The following MSS51 variants were observed in gnomAD, a reference collection of about 807,000 sequenced individuals.
MSS51 encodes the protein putative protein MSS51 homolog, mitochondrial.
MSS51 carries 32 observed loss-of-function variants against 40.2 expected under a neutral mutation model. The ratio of observed to expected loss-of-function variants is 0.80; its 90% CI spans 0.60 to 1.07. The LOEUF is 1.07. Among genes scored for constraint, MSS51 ranks in the 50% least tolerant of loss-of-function variants. The pLI is 0.00. For synonymous variants in MSS51, 178 were observed against 214.2 expected (o/e 0.83, Z 1.48); for missense variants, 518 against 568.9 (o/e 0.91, Z 0.91).
chr10:73,433,027 C>T (rs923482120), intron 1 of MSS51, among the ~76,000 whole-genome samples: 14 of 152,130 alleles, frequency 9.2e-5, no homozygotes, highest in Admixed American at 2.6e-4. Context: ...TAGCCATCCC[C>T]AGTGACTTAG....
intron 3 of MSS51, 144 bp downstream of exon 3, chr10:73,427,469 G>T: frequency 1.3e-6 from 1 of 751,786 alleles, no homozygotes; most frequent in Non-Finnish European, 2.2e-6. Context: ...GTAGAGACAG[G>T]GTTTTGCTGT....
intron 4 of MSS51, 93 bp downstream of exon 4, chr10:73,426,511 TTCC>T: frequency 6.3e-7 from 1 of 1,593,418 alleles, no homozygotes; most frequent in Non-Finnish European, 8.6e-7. Flanking sequence ...TTTGCCCCAC[TTCC>T]TCATTTTTTC....
At chr10:73,424,960 AG>A in intron 6 of MSS51, 137 bp downstream of exon 6, 1 of 825,268 alleles carries the variant, frequency 1.2e-6, no homozygotes, top group East Asian at 2.4e-5. Context: ...GACTGTTCCA[AG>A]GGGATAAAAA....
At position 73,425,930 on chromosome 10, in the gene MSS51, G is replaced by A. The variant is rs2055983356; in HGVS notation, c.950C>T (p.Pro317Leu). The A allele has an allele frequency of 6.2e-7, 1 of 1,614,110 alleles. No individual in the cohort carries two copies. Residue 317 changes from proline to leucine, a missense_variant, in exon 5 of 7, where the codon CCC (proline) becomes CTC (leucine). Coordinates refer to ENST00000299432, the MANE Select transcript of MSS51 (RefSeq NM_001024593.2). ...AAGCTGAATTGTGCCAGGTTCCAGGGGTGAAGTTGAGGTGCTCTGTGAAAA... is the reference window on the plus strand; with the variant it reads ...AAGCTGAATTGTGCCAGGTTCCAGGAGTGAAGTTGAGGTGCTCTGTGAAAA... ...TGFSQSTSTS[P>L]LEPGTIQLSA...
Position 73,427,608 on chromosome 10 carries a change from G to A in MSS51, c.377+5C>T, listed in dbSNP as rs761662442. ...ATGTCTCCCTATTAGCCCCCAACAA[G>A]TCACCTCTTACAGTGCCGGAGAACC... On this transcript the variant is annotated splice_donor_5th_base_variant and intron_variant, in intron 3 of 6. Transcript: ENST00000299432. 1.2e-6 allele frequency: 2 copies of A among 1,603,094 alleles called. No homozygotes were observed. The highest frequency in any genetic ancestry group is 2.7e-5 in the African/African-American group (2 of 74,628).
intron 3 of MSS51, among the ~76,000 whole-genome samples, 195 bp from the exon 4 acceptor site, chr10:73,426,926 CCAGA>C (rs2055993906): frequency 6.6e-6 from 1 of 152,102 alleles, no homozygotes; most frequent in Non-Finnish European, 1.5e-5. Flanking sequence ...AATTATTCTG[CCAGA>C]CAGAGTGATA....
Position 73,427,651 on chromosome 10 carries a change from A to C in MSS51, c.339T>G (p.Ser113Arg), listed in dbSNP as rs1439415003. ...GGAGAACCTTGGAGTCTGAAAGCCCACTAGGGAGTGCTCTACAGTGAGCAC... is the reference window on the plus strand; with the variant it reads ...GGAGAACCTTGGAGTCTGAAAGCCCCCTAGGGAGTGCTCTACAGTGAGCAC... ...RFCAHCRALP[S>R]GLSDSKVLRH... Residue 113 changes from serine (S) to arginine (R), a missense_variant, in exon 3 of 7, where the codon AGT (serine) becomes AGG (arginine). By Grantham distance (110) the Ser-to-Arg change is moderately radical (BLOSUM62 -1). Coordinates refer to ENST00000299432, the MANE Select transcript of MSS51 (RefSeq NM_001024593.2). The C allele has an allele frequency of 6.2e-7, 1 of 1,614,040 alleles. No homozygotes were observed.
intron 1 of MSS51, among the ~76,000 whole-genome samples, chr10:73,429,183 G>A (rs1321252480): frequency 6.6e-6 from 1 of 151,980 alleles, no homozygotes; most frequent in East Asian, 1.9e-4. Flanking sequence ...TCCAGCCTGG[G>A]CAACAAGAGC....
At chr10:73,432,406 G>T (rs997237482) in intron 1 of MSS51, among the ~76,000 whole-genome samples, 1 of 152,000 alleles carries the variant, frequency 6.6e-6, no homozygotes, top group African/African-American at 2.4e-5. Context: ...AGGAAAGTGT[G>T]ATTTGAGACA....
chr10:73,423,719 A>G lies in MSS51; in HGVS notation c.*834T>C, dbSNP rs533873512. On this transcript the variant is annotated 3_prime_UTR_variant, in exon 7 of 7. Transcript: ENST00000299432. ...TACTCTAGGGTCAAAAGTCCCCAAG[A>G]GAAAACAGGAAAAGTAGACATTTCT... 1 of 152,364 alleles carries G rather than the reference A, an allele frequency of 6.6e-6. No homozygotes were observed. Among genetic ancestry groups the G allele is most frequent in the African/African-American group, 2.4e-5 (1 of 41,580 alleles). The allele number at this position is 152,364 out of a possible 1,614,324, so 9.4% of individuals were successfully genotyped here.
intron 3 of MSS51, 33 bp from the exon 4 acceptor site, chr10:73,426,764 T>C: frequency 6.2e-7 from 1 of 1,609,568 alleles, no homozygotes; most frequent in Non-Finnish European, 8.5e-7. Flanking sequence ...GTTCTTATAC[T>C]ATAAATATGA....
intron 1 of MSS51, among the ~76,000 whole-genome samples, chr10:73,430,299 C>T (rs72812300): frequency 0.071 from 10,774 of 151,960 alleles, 505 homozygotes; most frequent in Non-Finnish European, 0.11. Flanking sequence ...TCAAAGGATG[C>T]TAAACTAACA....
At position 73,427,606 on chromosome 10, in the gene MSS51, A is replaced by G; in HGVS notation, c.377+7T>C. On this transcript the variant is annotated splice_region_variant and intron_variant, in intron 3 of 6. Coordinates refer to ENST00000299432, the MANE Select transcript of MSS51 (RefSeq NM_001024593.2). ...GAATGTCTCCCTATTAGCCCCCAAC[A>G]AGTCACCTCTTACAGTGCCGGAGAA... 1 of 1,601,724 alleles carries G rather than the reference A, an allele frequency of 6.2e-7. No homozygotes were observed. Among genetic ancestry groups the G allele is most frequent in the Non-Finnish European group, 8.5e-7 (1 of 1,171,304 alleles).
intron 2 of MSS51, 100 bp downstream of exon 2, chr10:73,427,964 C>T: frequency 3.2e-6 from 4 of 1,243,784 alleles, no homozygotes; most frequent in Non-Finnish European, 4.5e-6. Flanking sequence ...TCTCTTATTG[C>T]AAATACTCCA....
rs2055973297 is a variant in MSS51 at position 73,425,185 on chromosome 10, T to C, written c.1076A>G (p.His359Arg). ...AGCCTCCATCAAGTCTGGGGAGGAA[T>C]GAAAACCTGTGGAACAAAAATGAAA... ...DLVAAFHPGFHSSPDLMEAWL... is the reference protein window; with the variant it reads ...DLVAAFHPGFRSSPDLMEAWL... The change falls in exon 6 of 7, where the codon CAT (histidine) becomes CGT (arginine). Residue 359 changes from histidine (H) to arginine (R), a missense_variant. His to Arg is a conservative substitution (Grantham distance 29). Coordinates refer to ENST00000299432, the MANE Select transcript of MSS51 (RefSeq NM_001024593.2). The C allele has an allele frequency of 3.2e-6, 5 of 1,586,010 alleles. No homozygotes were observed. The highest frequency in any genetic ancestry group is 1.2e-5 in the South Asian group (1 of 86,680).
chr10:73,428,435 T>A, intron 1 of MSS51, 134 bp from the exon 2 acceptor site: 1 of 657,362 alleles, frequency 1.5e-6, no homozygotes, highest in Middle Eastern at 2.6e-4. Flanking sequence ...ATTTATTCAG[T>A]ATTTACTGGT....
intron 1 of MSS51, among the ~76,000 whole-genome samples, chr10:73,431,456 T>G (rs2056028589): frequency 6.6e-6 from 1 of 152,190 alleles, no homozygotes; most frequent in Non-Finnish European, 1.5e-5. Flanking sequence ...GATCATGTTT[T>G]GTTACAAAAA....
At chr10:73,431,685 T>G (rs1304486075) in intron 1 of MSS51, among the ~76,000 whole-genome samples, 1 of 152,226 alleles carries the variant, frequency 6.6e-6, no homozygotes, top group Non-Finnish European at 1.5e-5. Context: ...CTCATCCTTA[T>G]GTTTCCATCC....
At chr10:73,432,259 G>A (rs2056034422) in intron 1 of MSS51, among the ~76,000 whole-genome samples, 1 of 151,984 alleles carries the variant, frequency 6.6e-6, no homozygotes, top group Admixed American at 6.6e-5. Flanking sequence ...GGCTGGTCTC[G>A]AACTCCTGAC....
Sources: gnomAD v4.1 joint callset for allele counts (sites outside exome capture counted in the v4.1 genomes callset) on GRCh38, gnomAD v4.1.1 for gene constraint, MANE v1.5 for transcripts, NCBI Gene and HGNC (gene_info 2026-07-23, HGNC 2026-07-21) for gene names.